The following SYT1 variants were observed in gnomAD, a reference collection of about 807,000 sequenced individuals.
SYT1 encodes the protein synaptotagmin 1, also known as synaptotagmin-1.
In SYT1, 8 loss-of-function variants were observed where a neutral mutation model predicts 44.8. The observed-to-expected ratio is 0.18, with a 90% CI of 0.10 to 0.32. The LOEUF (loss-of-function observed/expected upper bound fraction) is 0.32, where lower values mean the gene tolerates loss of function less well. Among genes scored for constraint, SYT1 ranks in the 10% least tolerant of loss-of-function variants. SYT1 has a pLI of 1.00. For synonymous variants in SYT1, 154 were observed against 188.8 expected (o/e 0.82, Z 1.51); for missense variants, 286 against 509.3 (o/e 0.56, Z 4.22).
At chr12:79,132,331 C>T (rs1868878030) in intron 3 of SYT1, among the ~76,000 whole-genome samples, 1 of 151,852 alleles carries the variant, frequency 6.6e-6, no homozygotes, top group African/African-American at 2.4e-5. Context: ...TGCCTGTCGT[C>T]CCAGCTACTC....
chr12:79,010,383 A>G (rs1028373840), intron 2 of SYT1, among the ~76,000 whole-genome samples: 1 of 152,082 alleles, frequency 6.6e-6, no homozygotes, highest in East Asian at 1.9e-4. Context: ...CCTCCACTTC[A>G]TTCTGAACAA....
chr12:78,939,672 T>A (rs941792337), intron 1 of SYT1, among the ~76,000 whole-genome samples: 7 of 152,198 alleles, frequency 4.6e-5, no homozygotes, highest in African/African-American at 1.7e-4. Context: ...GGACTCTAGA[T>A]TCACTTTCTG....
chr12:79,003,580 A>G (rs1210552652), intron 2 of SYT1, among the ~76,000 whole-genome samples: 1 of 152,036 alleles, frequency 6.6e-6, no homozygotes. Flanking sequence ...GTAGTAAAAT[A>G]AACCTAGTAT....
rs535786599 is a variant in SYT1 at position 79,038,200 on chromosome 12, C to CAT, written c.-83-9089_-83-9088dup. On this transcript the variant is annotated intron_variant, in intron 2 of 10. Coordinates refer to ENST00000261205, the MANE Select transcript of SYT1 (RefSeq NM_005639.3). ...ATATACACACACACATATATATACA[C>CAT]ATATATATACACACATATATATATA... 4.8e-3 allele frequency among the ~76,000 whole-genome samples: 719 copies of CAT among 150,550 alleles called. 7 individuals carry two copies. The highest frequency in any genetic ancestry group is 0.017 in the African/African-American group (683 of 41,074).
chr12:79,353,446 A>C, intron 8 of SYT1, 56 bp from the exon 9 acceptor site: 1 of 1,279,990 alleles, frequency 7.8e-7, no homozygotes, highest in Non-Finnish European at 1.1e-6. Context: ...TATATGTTAA[A>C]ACTCTATTTA....
chr12:79,254,695 C>T (rs1877418264), intron 4 of SYT1, among the ~76,000 whole-genome samples: 1 of 152,094 alleles, frequency 6.6e-6, no homozygotes, highest in African/African-American at 2.4e-5. Flanking sequence ...CCATTAAGAA[C>T]ATTCATGATT....
At chr12:79,094,309 A>G (rs1255071318) in intron 3 of SYT1, among the ~76,000 whole-genome samples, 3 of 151,780 alleles carry the variant, frequency 2.0e-5, no homozygotes, top group Non-Finnish European at 3.0e-5. Context: ...AGCTAGTCCT[A>G]TTTGTGAAAG....
At chr12:79,283,613 G>A (rs143592222) in intron 4 of SYT1, among the ~76,000 whole-genome samples, 106 of 152,228 alleles carry the variant, frequency 7.0e-4, no homozygotes, top group African/African-American at 2.5e-3. Flanking sequence ...TTCCCGCAAT[G>A]AATACATACA....
chr12:79,421,905 A>G lies in SYT1; in HGVS notation c.929-22168A>G, dbSNP rs115386972. On this transcript the variant is annotated intron_variant, in intron 9 of 10. Coordinates refer to ENST00000261205, the MANE Select transcript of SYT1 (RefSeq NM_005639.3). ...ATGTGGTTATTCTTTCTCTTTAGTG[A>G]AATTTCCTTGTGTGGTATTTGTGAA... is the stretch of plus-strand genomic sequence containing the variant. Among the ~76,000 whole-genome samples, 1,499 of 152,012 alleles carry G rather than the reference A, an allele frequency of 9.9e-3. 24 individuals are homozygous for G. The highest frequency in any genetic ancestry group is 0.034 in the African/African-American group (1,413 of 41,470).
intron 9 of SYT1, among the ~76,000 whole-genome samples, chr12:79,356,051 C>T (rs112772014): frequency 6.6e-5 from 10 of 151,896 alleles, no homozygotes; most frequent in African/African-American, 2.2e-4. Flanking sequence ...TCAAAGAAGA[C>T]CTCTGAGTAG....
At chr12:79,306,901 T>A (rs116843530) in intron 8 of SYT1, among the ~76,000 whole-genome samples, 1 of 152,308 alleles carries the variant, frequency 6.6e-6, no homozygotes, top group East Asian at 1.9e-4. Context: ...GTTTTTCATA[T>A]TACTGAAATA....
chr12:79,426,114 A>T (rs754117510), intron 9 of SYT1, among the ~76,000 whole-genome samples: 1 of 152,054 alleles, frequency 6.6e-6, no homozygotes, highest in Non-Finnish European at 1.5e-5. Flanking sequence ...CTGAAACCAG[A>T]CTTGGAGTCC....
At chr12:79,164,006 T>C (rs1407969189) in intron 3 of SYT1, among the ~76,000 whole-genome samples, 1 of 151,966 alleles carries the variant, frequency 6.6e-6, no homozygotes, top group South Asian at 2.1e-4. Flanking sequence ...CTTTCTATCT[T>C]TTTTCCACCA....
chr12:79,078,523 C>T (rs1464924013), intron 3 of SYT1, among the ~76,000 whole-genome samples: 3 of 151,778 alleles, frequency 2.0e-5, no homozygotes, highest in Admixed American at 6.6e-5. Flanking sequence ...ATACTAACAA[C>T]CTCCTTGTTT....
At chr12:78,988,605 C>T (rs1869814343) in intron 2 of SYT1, among the ~76,000 whole-genome samples, 3 of 151,786 alleles carry the variant, frequency 2.0e-5, no homozygotes, top group African/African-American at 7.3e-5. Flanking sequence ...CCTGGAAGAG[C>T]ATTGCAGACA....
chr12:79,042,124 A>T (rs1442323977), intron 2 of SYT1, among the ~76,000 whole-genome samples: 1 of 151,006 alleles, frequency 6.6e-6, no homozygotes, highest in African/African-American at 2.4e-5. Context: ...TGGTATCAGA[A>T]TGATGCTGGC....
chr12:79,088,920 A>C (rs1056851731), intron 3 of SYT1, among the ~76,000 whole-genome samples: 1 of 152,048 alleles, frequency 6.6e-6, no homozygotes, highest in African/African-American at 2.4e-5. Context: ...TAAGCAGAAA[A>C]ATAGAAGCTT....
At chr12:79,317,276 T>C (rs887935007) in intron 8 of SYT1, among the ~76,000 whole-genome samples, 2 of 152,216 alleles carry the variant, frequency 1.3e-5, no homozygotes, top group African/African-American at 4.8e-5. Context: ...CCTAAGCTTT[T>C]TTCGAAAGCT....
rs934521923 is a variant in SYT1 at position 79,178,738 on chromosome 12, T to C, written c.-17-38765T>C. The stretch of plus-strand genomic sequence containing the variant: ...CTCCATTTCATATGTTTATATCACA[T>C]CTCCCACTGTCAAAACAGTAATTTG... On this transcript the variant is annotated intron_variant, in intron 3 of 10. Transcript: ENST00000261205. Among the ~76,000 whole-genome samples, 9 of 151,516 alleles carry C rather than the reference T, an allele frequency of 5.9e-5. No individual in the cohort carries two copies. The South Asian group carries it at 1.9e-3, about 31-fold the overall frequency.
Sources: allele counts gnomAD v4.1 joint callset (sites outside exome capture counted in the v4.1 genomes callset), GRCh38; gene constraint gnomAD v4.1.1; transcripts MANE v1.5; gene names NCBI Gene and HGNC (gene_info 2026-07-23, HGNC 2026-07-21).